The following CASZ1 variants were observed in gnomAD, a reference collection of about 807,000 sequenced individuals.
CASZ1 encodes castor zinc finger 1, also known as zinc finger protein castor homolog 1.
In CASZ1, 28 loss-of-function variants were observed where a neutral mutation model predicts 135.2. That is an observed-to-expected ratio of 0.21 (90% CI 0.15 to 0.28). The LOEUF (loss-of-function observed/expected upper bound fraction) is 0.28. CASZ1 is among the 10% of genes least tolerant of loss of function. The pLI is 1.00. For missense variants in CASZ1, 2,161 were observed against 2,453.3 expected, an observed-to-expected ratio of 0.88 and a Z score of 2.52; for synonymous variants, 1,068 against 1,073.4, an observed-to-expected ratio of 0.99 and a Z score of 0.10.
chr1:10,760,319 C>T (rs1186720419), intron 2 of CASZ1, among the ~76,000 whole-genome samples: 1 of 152,242 alleles, frequency 6.6e-6, no homozygotes, highest in Non-Finnish European at 1.5e-5. Context: ...GGAGTGGCAT[C>T]TGATGGAGAA....
rs1308733272 is a variant in CASZ1 at position 10,679,937 on chromosome 1, C to T, written c.16+13937G>A. Among the ~76,000 whole-genome samples, 2 of 152,224 alleles carry T rather than the reference C, an allele frequency of 1.3e-5. No individual in the cohort carries two copies. The highest frequency in any genetic ancestry group is 2.9e-5 in the Non-Finnish European group (2 of 68,034). On this transcript the variant is annotated intron_variant, in intron 4 of 20. Transcript: ENST00000377022. The surrounding 1 kb of genome is among the most constrained non-coding windows in gnomAD (Gnocchi z 4.7). ...TACCCATTACCCGTCCCAAACCCAGCTGCCAAGTGAGGGAGGAAGGCTGAG... is the reference window on the plus strand; with the variant it reads ...TACCCATTACCCGTCCCAAACCCAGTTGCCAAGTGAGGGAGGAAGGCTGAG...
chr1:10,680,619 G>A (rs538603631), intron 4 of CASZ1, among the ~76,000 whole-genome samples: 2 of 152,322 alleles, frequency 1.3e-5, no homozygotes, highest in African/African-American at 4.8e-5. Flanking sequence ...GGAGGAGGGC[G>A]TCCAAGAGGC....
At chr1:10,742,871 G>C (rs1169520871) in intron 2 of CASZ1, among the ~76,000 whole-genome samples, 1 of 152,084 alleles carries the variant, frequency 6.6e-6, no homozygotes, top group Non-Finnish European at 1.5e-5. Flanking sequence ...TGTAATCCCA[G>C]TTACTCGGGA....
Position 10,759,918 on chromosome 1 carries a change from T to C in CASZ1, c.-77+783A>G, listed in dbSNP as rs1170435300. Among the ~76,000 whole-genome samples, 1 of 152,208 alleles carries C rather than the reference T, an allele frequency of 6.6e-6. No homozygotes were observed. Among genetic ancestry groups the C allele is most frequent in the African/African-American group, 2.4e-5 (1 of 41,446 alleles). On this transcript the variant is annotated intron_variant, in intron 2 of 20. Transcript: ENST00000377022. This position sits in a 1 kb window ranked among gnomAD's most constrained non-coding sequence, Gnocchi z 4.2. Reference sequence around the variant, plus strand: ...AACACCCAATCCCTCTGGACTGGTTTCCTTGGGATCTCAAGAAAGTACTGA... The same window carrying C: ...AACACCCAATCCCTCTGGACTGGTTCCCTTGGGATCTCAAGAAAGTACTGA...
At chr1:10,766,913 C>T (rs1227510739) in intron 1 of CASZ1, among the ~76,000 whole-genome samples, 1 of 152,054 alleles carries the variant, frequency 6.6e-6, no homozygotes, top group Non-Finnish European at 1.5e-5. Flanking sequence ...GATTTAACCC[C>T]AACTGCCTGA....
In CASZ1 at chr1:10,777,517, T is replaced by C. The variant is rs953827334; in HGVS notation, c.-233-16660A>G. Among the ~76,000 whole-genome samples the C allele has an allele frequency of 6.6e-6, 1 of 152,140 alleles. No individual in the cohort carries two copies. Among genetic ancestry groups the C allele is most frequent in the Non-Finnish European group, 1.5e-5 (1 of 68,028 alleles). On this transcript the variant is annotated intron_variant, in intron 1 of 20. Transcript: ENST00000377022. This position sits in a 1 kb window ranked among gnomAD's most constrained non-coding sequence, Gnocchi z 4.4. ...GGTAGGCCTGGGGCAGGGGACCAAGTGATACGCGAAAAACAGACGGAAGAC... is the reference window on the plus strand; with the variant it reads ...GGTAGGCCTGGGGCAGGGGACCAAGCGATACGCGAAAAACAGACGGAAGAC...
intron 11 of CASZ1, chr1:10,653,083 A>G (rs1052181634): frequency 1.3e-5 from 6 of 453,848 alleles, no homozygotes; most frequent in Admixed American, 7.1e-5. Flanking sequence ...GGGAGGGGGG[A>G]CCTGCAGTGG....
chr1:10,689,793 C>A (rs1638708381), intron 4 of CASZ1, among the ~76,000 whole-genome samples: 1 of 152,234 alleles, frequency 6.6e-6, no homozygotes. Context: ...GCCAGGACTG[C>A]CCCACTGAAC....
At chr1:10,785,131 T>TCCTTCTTTCCTTCCTTCCTTCCTTCCTC (rs1557570867) in intron 1 of CASZ1, among the ~76,000 whole-genome samples, 9 of 23,550 alleles carry the variant, frequency 3.8e-4, no homozygotes, top group Non-Finnish European at 1.6e-3. Context: ...TTTCCTTTCT[T>TCCTTCTTTCCTTCCTTCCTTCCTTCCTC]CCTTCCTTCC....
chr1:10,745,979 C>T (rs1640032886), intron 2 of CASZ1, among the ~76,000 whole-genome samples: 1 of 152,234 alleles, frequency 6.6e-6, no homozygotes, highest in South Asian at 2.1e-4. Flanking sequence ...CCTTACTCTG[C>T]TGGGTGAGAG....
At chr1:10,652,691 C>T (rs1642633162) in intron 11 of CASZ1, 1 of 152,280 alleles carries the variant, frequency 6.6e-6, no homozygotes, top group African/African-American at 2.4e-5. Context: ...GAAGATGCAA[C>T]TCCGGGGCTC....
At chr1:10,660,862 A>C in intron 5 of CASZ1, 1 of 327,514 alleles carries the variant, frequency 3.1e-6, no homozygotes, top group Non-Finnish European at 5.6e-6. Context: ...TTGGCCTAAT[A>C]TGAAAGAGAA....
chr1:10,639,965 C>A lies in CASZ1; in HGVS notation c.4257G>T (p.Ala1419=), dbSNP rs779755173. 6.2e-7 allele frequency: 1 copy of A among 1,612,860 alleles called. No homozygotes were observed. The highest frequency in any genetic ancestry group is 1.1e-5 in the South Asian group (1 of 91,090). The part of the protein sequence containing the change: ...MSPFGKRRKT[A]SSRKMLDEGM... ...CCTCGTCCAGCATCTTCCGGGAGGA[C>A]GCCGTCTTCCGCCGCTTGCCGAAGG... The change falls in exon 21 of 21, where the codon GCG becomes GCT. Residue 1419 remains alanine, a synonymous_variant. Transcript: ENST00000377022. The surrounding 1 kb of genome is among the most constrained non-coding windows in gnomAD (Gnocchi z 4.0).
intron 1 of CASZ1, among the ~76,000 whole-genome samples, chr1:10,781,818 C>T (rs1640767772): frequency 6.6e-6 from 1 of 152,188 alleles, no homozygotes; most frequent in African/African-American, 2.4e-5. Flanking sequence ...GTGATAGGTG[C>T]TATCGTGAAC....
At chr1:10,730,113 T>G (rs1639676671) in intron 2 of CASZ1, among the ~76,000 whole-genome samples, 1 of 151,332 alleles carries the variant, frequency 6.6e-6, no homozygotes, top group Admixed American at 6.6e-5. Flanking sequence ...CTTTATTTAT[T>G]TATTTATTTA....
chr1:10,708,252 A>C (rs1263241068), intron 2 of CASZ1, among the ~76,000 whole-genome samples: 1 of 152,178 alleles, frequency 6.6e-6, no homozygotes, highest in Non-Finnish European at 1.5e-5. Context: ...CCTCCTGTCC[A>C]TGTGAAAAAG....
rs115471606 is a variant in CASZ1, at chr1:10,667,653, G to T, written c.17-2082C>A. ...CTTGCCCTGGATGGGGAAGGGAAGG[G>T]GGGAGTGGGGGAGCCTGCACTATTT... On this transcript the variant is annotated intron_variant, in intron 4 of 20. Coordinates refer to ENST00000377022, the MANE Select transcript of CASZ1 (RefSeq NM_001079843.3). 2.7e-3 allele frequency among the ~76,000 whole-genome samples: 405 copies of T among 152,348 alleles called. 3 individuals are homozygous for T. Among genetic ancestry groups the T allele is most frequent in the African/African-American group, 9.3e-3 (388 of 41,580 alleles).
At chr1:10,655,075 A>G (rs1642742647) in intron 9 of CASZ1, among the ~76,000 whole-genome samples, 1 of 151,782 alleles carries the variant, frequency 6.6e-6, no homozygotes, top group Non-Finnish European at 1.5e-5. Flanking sequence ...CATATTGAGT[A>G]AAAACCCGTG....
chr1:10,789,754 GA>G (rs138082136), intron 1 of CASZ1, among the ~76,000 whole-genome samples: 17 of 150,848 alleles, frequency 1.1e-4, no homozygotes, highest in African/African-American at 3.7e-4. Context: ...TTCCAAGTAA[GA>G]AAAAAAAACT....
Sources: allele counts gnomAD v4.1 joint callset (sites outside exome capture counted in the v4.1 genomes callset), GRCh38; gene constraint gnomAD v4.1.1; non-coding constraint Gnocchi (gnomAD v3.1); transcripts MANE v1.5; gene names NCBI Gene and HGNC (gene_info 2026-07-23, HGNC 2026-07-21).